FOXN3: variants seen among roughly 807,000 people sequenced by gnomAD.
The protein encoded by FOXN3 is forkhead box protein N3.
A neutral mutation model predicts 38.4 loss-of-function variants in FOXN3; 7 were observed. The observed-to-expected ratio is 0.18, with a 90% confidence interval of 0.10 to 0.34. The LOEUF (loss-of-function observed/expected upper bound fraction) is 0.34, where lower values mean the gene tolerates loss of function less well. Ranked by LOEUF, FOXN3 falls within the 10% of genes least tolerant of loss-of-function variation. FOXN3 has a pLI of 1.00. For synonymous variants in FOXN3, 230 were observed against 242.2 expected (o/e 0.95, Z 0.47); for missense variants, 456 against 613.4 (o/e 0.74, Z 2.71).
At chr14:89,230,775 T>C (rs1884782889) in intron 4 of FOXN3, 1 of 418,076 alleles carries the variant, frequency 2.4e-6, no homozygotes, top group Admixed American at 2.6e-5. Flanking sequence ...ACAAACATTC[T>C]TGGATAGTAG....
chr14:89,604,266 C>T, intron 1 of FOXN3, among the ~76,000 whole-genome samples: 1 of 149,246 alleles, frequency 6.7e-6, no homozygotes, highest in East Asian at 1.9e-4. Context: ...CGCGCGCGCA[C>T]ACACACAGAG....
At chr14:89,193,718 C>A (rs763296533) in intron 4 of FOXN3, among the ~76,000 whole-genome samples, 1 of 152,126 alleles carries the variant, frequency 6.6e-6, no homozygotes, top group East Asian at 1.9e-4. Context: ...CTTTTTTGAA[C>A]CTGTGTTTTC....
chr14:89,273,984 G>A (rs1313422126), intron 4 of FOXN3, among the ~76,000 whole-genome samples: 1 of 152,102 alleles, frequency 6.6e-6, no homozygotes, highest in Non-Finnish European at 1.5e-5. Flanking sequence ...TATGCCTGAG[G>A]GTGAGAATCA....
At chr14:89,199,525 C>T (rs1319351660) in intron 4 of FOXN3, among the ~76,000 whole-genome samples, 1 of 152,128 alleles carries the variant, frequency 6.6e-6, no homozygotes, top group East Asian at 1.9e-4. Flanking sequence ...AAACTAACAG[C>T]TGTTTGTTGG....
chr14:89,513,531 C>T (rs1894139887), intron 1 of FOXN3, among the ~76,000 whole-genome samples: 2 of 152,122 alleles, frequency 1.3e-5, no homozygotes. Context: ...TGAGATGAGC[C>T]ACTGCACCCA....
chr14:89,295,293 C>T (rs537778004), intron 3 of FOXN3, among the ~76,000 whole-genome samples: 11 of 152,380 alleles, frequency 7.2e-5, no homozygotes, highest in African/African-American at 2.6e-4. Context: ...CCTCTCCCTC[C>T]TCTGAATCCT....
At chr14:89,244,385 C>A (rs1885228835) in intron 4 of FOXN3, among the ~76,000 whole-genome samples, 2 of 152,218 alleles carry the variant, frequency 1.3e-5, no homozygotes, top group East Asian at 3.9e-4. Flanking sequence ...CCTTAGTAAG[C>A]AAAGAGACAC....
At chr14:89,273,548 A>C (rs920553392) in intron 4 of FOXN3, among the ~76,000 whole-genome samples, 1 of 152,236 alleles carries the variant, frequency 6.6e-6, no homozygotes, top group African/African-American at 2.4e-5. Context: ...AAGGGGGGTA[A>C]CTGGAGATTG....
At chr14:89,176,418 C>T (rs1039016087) in intron 5 of FOXN3, among the ~76,000 whole-genome samples, 1 of 152,206 alleles carries the variant, frequency 6.6e-6, no homozygotes, top group Non-Finnish European at 1.5e-5. Flanking sequence ...CGCTTAGATT[C>T]ACAAGGAAAA....
At chr14:89,488,087 T>C (rs570434691) in intron 1 of FOXN3, among the ~76,000 whole-genome samples, 1 of 148,404 alleles carries the variant, frequency 6.7e-6, no homozygotes, top group South Asian at 2.1e-4. Context: ...TAGGGGCTCT[T>C]CTTTTTTTTT....
At chr14:89,610,700 G>A (rs1463895158) in intron 1 of FOXN3, among the ~76,000 whole-genome samples, 1 of 152,136 alleles carries the variant, frequency 6.6e-6, no homozygotes, top group African/African-American at 2.4e-5. Flanking sequence ...AAACCTATGA[G>A]AATTACAGAA....
chr14:89,387,142 G>A (rs141988283), intron 2 of FOXN3, among the ~76,000 whole-genome samples: 1,891 of 152,262 alleles, frequency 0.012, 54 homozygotes, highest in African/African-American at 0.043. Context: ...TGTAGTCTCA[G>A]CTACTCGGGA....
At chr14:89,581,073 T>C (rs919523508) in intron 1 of FOXN3, among the ~76,000 whole-genome samples, 1 of 151,584 alleles carries the variant, frequency 6.6e-6, no homozygotes, top group African/African-American at 2.4e-5. Context: ...TCCCAGTTAC[T>C]TGGGAGGCTG....
intron 1 of FOXN3, among the ~76,000 whole-genome samples, chr14:89,470,709 C>T (rs749306963): frequency 6.6e-6 from 1 of 152,180 alleles, no homozygotes; most frequent in Non-Finnish European, 1.5e-5. Context: ...ACTAAGGCCC[C>T]CATGGAACGC....
intron 1 of FOXN3, among the ~76,000 whole-genome samples, chr14:89,487,123 T>C (rs975929089): frequency 6.6e-6 from 1 of 152,228 alleles, no homozygotes; most frequent in Non-Finnish European, 1.5e-5. Flanking sequence ...TCAACGACTC[T>C]ATTTTATTGT....
chr14:89,538,754 G>A (rs1304687432), intron 1 of FOXN3, among the ~76,000 whole-genome samples: 2 of 151,828 alleles, frequency 1.3e-5, no homozygotes, highest in Non-Finnish European at 1.5e-5. Context: ...CCGACCTCAG[G>A]TGATCCGCCC....
At chr14:89,450,221 A>G (rs536145412) in intron 1 of FOXN3, among the ~76,000 whole-genome samples, 5 of 152,262 alleles carry the variant, frequency 3.3e-5, no homozygotes, top group South Asian at 4.1e-4. Context: ...GCCTTCCCCA[A>G]TGTTGTTGTA....
intron 4 of FOXN3, among the ~76,000 whole-genome samples, chr14:89,198,592 T>A (rs1888157069): frequency 6.6e-6 from 1 of 152,226 alleles, no homozygotes; most frequent in East Asian, 1.9e-4. Context: ...CTGCAGGCAA[T>A]TTTGCACTTC....
rs1168443191 is a variant in FOXN3, at chr14:89,161,474, T to G, written c.*940A>C. The G allele has an allele frequency of 6.6e-6, 1 of 151,670 alleles. No homozygotes were observed. Among genetic ancestry groups the G allele is most frequent in the Non-Finnish European group, 1.5e-5 (1 of 67,930 alleles). The allele number at this position is 151,670 out of a possible 1,614,324, so 9.4% of individuals were successfully genotyped here. A position where few individuals can be genotyped will look rare whatever the true frequency, so the allele number is the denominator to read the frequency against. ...TTCCTTTCCTTAACAGCTATTGTAA[T>G]TTCCTGGACTTGGTTGCTTTTCACT... is the stretch of plus-strand genomic sequence containing the variant. On this transcript the variant is annotated 3_prime_UTR_variant, in exon 6 of 6. Coordinates refer to ENST00000557258, the MANE Select transcript of FOXN3 (RefSeq NM_005197.4).
Sources: allele counts gnomAD v4.1 joint callset (sites outside exome capture counted in the v4.1 genomes callset), GRCh38; gene constraint gnomAD v4.1.1; transcripts MANE v1.5; gene names NCBI Gene and HGNC (gene_info 2026-07-23, HGNC 2026-07-21).